The following MDGA2 variants were observed in gnomAD, a reference collection of about 807,000 sequenced individuals.
The protein encoded by MDGA2 is MAM domain-containing glycosylphosphatidylinositol anchor protein 2.
Under a neutral mutation model 117.8 loss-of-function variants are expected in MDGA2, and 40 were observed. The observed-to-expected ratio is 0.34, with a 90% CI of 0.26 to 0.44. The LOEUF is 0.44. MDGA2 is among the 20% of genes least tolerant of loss of function. MDGA2 has a pLI of 1.00. For synonymous variants in MDGA2, 452 were observed against 439.0 expected (o/e 1.03, Z -0.37); for missense variants, 1,123 against 1,250.6 (o/e 0.90, Z 1.54).
intron 1 of MDGA2, among the ~76,000 whole-genome samples, chr14:47,406,081 G>T (rs1160424171): frequency 6.6e-6 from 1 of 151,980 alleles, no homozygotes; most frequent in Admixed American, 6.6e-5. Flanking sequence ...CTATGCAAGT[G>T]GTTTAATTCA....
chr14:47,186,637 T>C (rs1884922168), intron 3 of MDGA2, among the ~76,000 whole-genome samples: 1 of 151,952 alleles, frequency 6.6e-6, no homozygotes, highest in African/African-American at 2.4e-5. Context: ...CAAGATTCCA[T>C]AGCTATTAAG....
chr14:46,867,396 G>A (rs1433172281), intron 14 of MDGA2, among the ~76,000 whole-genome samples: 1 of 152,006 alleles, frequency 6.6e-6, no homozygotes. Flanking sequence ...CTGTTGTGGG[G>A]TGGGGGGAGA....
chr14:47,101,243 G>A (rs899301663), intron 5 of MDGA2, among the ~76,000 whole-genome samples: 1 of 151,888 alleles, frequency 6.6e-6, no homozygotes. Flanking sequence ...AAAAGTCTGT[G>A]GTTTCTATTT....
At chr14:47,037,961 G>T (rs12883718) in intron 7 of MDGA2, among the ~76,000 whole-genome samples, 10 of 152,062 alleles carry the variant, frequency 6.6e-5, no homozygotes, top group African/African-American at 1.7e-4. Context: ...ATGGAGTCTC[G>T]CTCTGTTGCC....
intron 1 of MDGA2, among the ~76,000 whole-genome samples, chr14:47,461,688 G>A (rs12434488): frequency 0.32 from 48,666 of 150,960 alleles, 8,334 homozygotes; most frequent in East Asian, 0.59. Context: ...AAATAAAAAC[G>A]AAAAAAATAA....
chr14:46,938,128 A>G (rs1257626619), intron 9 of MDGA2, among the ~76,000 whole-genome samples: 1 of 152,182 alleles, frequency 6.6e-6, no homozygotes, highest in South Asian at 2.1e-4. Context: ...TAATTTTTTA[A>G]ATGGGCTAAT....
At chr14:47,217,026 C>T (rs1886116714) in intron 3 of MDGA2, among the ~76,000 whole-genome samples, 1 of 152,068 alleles carries the variant, frequency 6.6e-6, no homozygotes, top group African/African-American at 2.4e-5. Flanking sequence ...AAGCAAATTA[C>T]AAGTGCTGCT....
intron 1 of MDGA2, among the ~76,000 whole-genome samples, chr14:47,468,253 C>T (rs371519288): frequency 1.1e-4 from 17 of 152,126 alleles, no homozygotes; most frequent in African/African-American, 3.6e-4. Flanking sequence ...TATCCGTAAT[C>T]GTAAAAAATG....
intron 1 of MDGA2, among the ~76,000 whole-genome samples, chr14:47,570,667 A>G (rs765908640): frequency 2.1e-4 from 32 of 152,208 alleles, no homozygotes; most frequent in Non-Finnish European, 4.4e-4. Context: ...AGGATTCCCT[A>G]TTTAATAAAT....
chr14:47,094,669 A>G (rs1879859512), intron 6 of MDGA2, among the ~76,000 whole-genome samples: 1 of 152,026 alleles, frequency 6.6e-6, no homozygotes, highest in African/African-American at 2.4e-5. Flanking sequence ...GTACTTTAAT[A>G]TTACACTTTA....
At chr14:47,591,034 A>G (rs1896427572) in intron 1 of MDGA2, among the ~76,000 whole-genome samples, 3 of 152,086 alleles carry the variant, frequency 2.0e-5, no homozygotes, top group Non-Finnish European at 2.9e-5. Flanking sequence ...ACTCTGGAAC[A>G]GGACAGGACA....
chr14:47,480,094 G>A (rs548084685), intron 1 of MDGA2, among the ~76,000 whole-genome samples: 7 of 151,834 alleles, frequency 4.6e-5, no homozygotes, highest in South Asian at 2.1e-4. Context: ...TCAATGTTTC[G>A]ATTATTTAGA....
chr14:47,458,013 T>A (rs1012669450), intron 1 of MDGA2, among the ~76,000 whole-genome samples: 10 of 152,030 alleles, frequency 6.6e-5, no homozygotes, highest in African/African-American at 2.4e-4. Flanking sequence ...CCATATTTTT[T>A]TTTTTTTTTA....
intron 8 of MDGA2, among the ~76,000 whole-genome samples, chr14:47,030,167 A>G (rs1215749236): frequency 6.6e-6 from 1 of 152,048 alleles, no homozygotes; most frequent in Non-Finnish European, 1.5e-5. Flanking sequence ...TGGAAATCCA[A>G]TGGAACTTTT....
intron 1 of MDGA2, among the ~76,000 whole-genome samples, chr14:47,490,161 C>T (rs180778330): frequency 1.3e-5 from 2 of 152,144 alleles, no homozygotes; most frequent in East Asian, 3.9e-4. Context: ...TGCTAATAAA[C>T]TGTGTAAAGA....
chr14:47,439,332 T>C (rs1212250735), intron 1 of MDGA2, among the ~76,000 whole-genome samples: 1 of 152,082 alleles, frequency 6.6e-6, no homozygotes, highest in Non-Finnish European at 1.5e-5. Flanking sequence ...CCTCTGTTTG[T>C]GTGTGTATGT....
At chr14:47,379,615 G>T (rs1235739015) in intron 1 of MDGA2, among the ~76,000 whole-genome samples, 1 of 152,118 alleles carries the variant, frequency 6.6e-6, no homozygotes, top group South Asian at 2.1e-4. Flanking sequence ...GAGATCAAAA[G>T]AGACAAAGAA....
chr14:47,478,858 T>G (rs975367679), intron 1 of MDGA2, among the ~76,000 whole-genome samples: 1 of 152,130 alleles, frequency 6.6e-6, no homozygotes, highest in African/African-American at 2.4e-5. Flanking sequence ...CTTTGAAGAA[T>G]TAGAAATCTT....
intron 2 of MDGA2, among the ~76,000 whole-genome samples, chr14:47,226,468 G>A (rs544612683): frequency 6.6e-6 from 1 of 151,954 alleles, no homozygotes; most frequent in Non-Finnish European, 1.5e-5. Context: ...TCTTTTCTTT[G>A]AATTTAACCT....
Sources: allele counts gnomAD v4.1 joint callset (sites outside exome capture counted in the v4.1 genomes callset), GRCh38; gene constraint gnomAD v4.1.1; transcripts MANE v1.5; gene names NCBI Gene and HGNC (gene_info 2026-07-23, HGNC 2026-07-21).